ALDH1A2: variants seen among roughly 807,000 people sequenced by gnomAD.
ALDH1A2 encodes the protein aldehyde dehydrogenase 1 family member A2.
In ALDH1A2, 27 loss-of-function variants were observed where a neutral mutation model predicts 60.3. The observed-to-expected ratio is 0.45, with a 90% CI of 0.33 to 0.62. The LOEUF (loss-of-function observed/expected upper bound fraction) is 0.62, where lower values mean the gene tolerates loss of function less well. Among genes scored for constraint, ALDH1A2 ranks in the 20% least tolerant of loss-of-function variants. The pLI is 0.02. For missense variants in ALDH1A2, 581 were observed against 643.8 expected, an observed-to-expected ratio of 0.90 and a Z score of 1.06; for synonymous variants, 289 against 232.4, an observed-to-expected ratio of 1.24 and a Z score of -2.21.
intron 1 of ALDH1A2, among the ~76,000 whole-genome samples, chr15:58,062,636 A>C (rs751804090): frequency 3.3e-5 from 5 of 152,166 alleles, no homozygotes; most frequent in Non-Finnish European, 7.4e-5. Context: ...CTTGGTACCA[A>C]ATTGGTCCCC....
chr15:57,986,034 G>T (rs1400183371), intron 7 of ALDH1A2, among the ~76,000 whole-genome samples: 1 of 152,158 alleles, frequency 6.6e-6, no homozygotes, highest in African/African-American at 2.4e-5. Context: ...AAGGTGATCT[G>T]CATGAAACCT....
intron 1 of ALDH1A2, among the ~76,000 whole-genome samples, chr15:58,045,888 A>G (rs1896629266): frequency 6.6e-6 from 1 of 152,066 alleles, no homozygotes; most frequent in Non-Finnish European, 1.5e-5. Context: ...ACCTAAGGGA[A>G]TTAAAATAAA....
intron 7 of ALDH1A2, among the ~76,000 whole-genome samples, chr15:57,989,867 G>A (rs1383009577): frequency 3.3e-5 from 5 of 152,012 alleles, no homozygotes; most frequent in African/African-American, 1.2e-4. Flanking sequence ...AGTACTGAAA[G>A]AAAATATTAA....
chr15:57,961,331 G>A (rs1893712664), intron 10 of ALDH1A2, 37 bp from the exon 11 acceptor site: 1 of 1,608,470 alleles, frequency 6.2e-7, no homozygotes. Context: ...TGGTTGCTCT[G>A]TCATTCCTTT....
At chr15:57,958,982 T>C (rs1443803238) in intron 12 of ALDH1A2, among the ~76,000 whole-genome samples, 1 of 152,146 alleles carries the variant, frequency 6.6e-6, no homozygotes, top group African/African-American at 2.4e-5. Flanking sequence ...AGCACTGTTA[T>C]ATGAGGTTCA....
intron 1 of ALDH1A2, among the ~76,000 whole-genome samples, chr15:58,051,716 T>C (rs921387572): frequency 6.6e-6 from 1 of 152,184 alleles, no homozygotes; most frequent in Admixed American, 6.5e-5. Flanking sequence ...CTTACCTTCC[T>C]ACGTTTGATC....
At chr15:58,031,059 G>A (rs1017810221) in intron 1 of ALDH1A2, among the ~76,000 whole-genome samples, 5 of 152,006 alleles carry the variant, frequency 3.3e-5, no homozygotes, top group Admixed American at 6.6e-5. Context: ...AAAAGAGCCC[G>A]CAAAGCCACT....
intron 12 of ALDH1A2, among the ~76,000 whole-genome samples, chr15:57,959,370 ACT>A (rs1186353915): frequency 6.6e-6 from 1 of 152,120 alleles, no homozygotes; most frequent in East Asian, 1.9e-4. Flanking sequence ...GTGCATGAAG[ACT>A]CTGTAAAAGC....
intron 1 of ALDH1A2, among the ~76,000 whole-genome samples, chr15:58,056,675 G>A (rs1284832648): frequency 2.0e-5 from 3 of 151,996 alleles, no homozygotes; most frequent in African/African-American, 7.2e-5. Flanking sequence ...TTATAATCCT[G>A]AATACATTTA....
intron 1 of ALDH1A2, among the ~76,000 whole-genome samples, chr15:58,022,085 C>G (rs1445950933): frequency 6.6e-5 from 10 of 152,192 alleles, no homozygotes; most frequent in African/African-American, 2.4e-4. Context: ...TACTGCCCCT[C>G]ACTCAAGCAC....
chr15:58,025,119 T>C (rs1214110697), intron 1 of ALDH1A2, among the ~76,000 whole-genome samples: 1 of 151,934 alleles, frequency 6.6e-6, no homozygotes, highest in African/African-American at 2.4e-5. Flanking sequence ...TCAATGTACC[T>C]TGAGAAACTA....
rs1249825935 is a variant in ALDH1A2, at chr15:58,065,636, C to G, written c.15G>C (p.Lys5Asn). 6.2e-7 allele frequency: 1 copy of G among 1,601,366 alleles called. No individual in the cohort carries two copies. The highest frequency in any genetic ancestry group is 8.5e-7 in the Non-Finnish European group (1 of 1,173,252). Residue 5 changes from lysine (K) to asparagine (N), a missense_variant, in exon 1 of 13, where the codon AAG becomes AAC. Transcript: ENST00000249750. ...CCTTCACCTCGCCGGGCATCTCTAT[C>G]TTGCTGGAAGTCATGGTGGCGGGCC... MTSS[K>N]IEMPGEVKAD...
intron 4 of ALDH1A2, among the ~76,000 whole-genome samples, chr15:57,999,276 T>C (rs1458418404): frequency 6.6e-6 from 1 of 151,718 alleles, no homozygotes; most frequent in African/African-American, 2.4e-5. Flanking sequence ...ATGGGAGAAA[T>C]TTTTTGCAAT....
At chr15:58,031,041 A>ACG (rs1896225806) in intron 1 of ALDH1A2, among the ~76,000 whole-genome samples, 1 of 151,474 alleles carries the variant, frequency 6.6e-6, no homozygotes, top group Non-Finnish European at 1.5e-5. Flanking sequence ...AAGTTCACAT[A>ACG]GAACCAAAAA....
chr15:57,977,398 C>A (rs182944206), intron 7 of ALDH1A2, among the ~76,000 whole-genome samples: 118 of 152,242 alleles, frequency 7.8e-4, no homozygotes, highest in African/African-American at 2.4e-3. Context: ...AGTCTTTAAT[C>A]CATCTTTAGT....
intron 1 of ALDH1A2, among the ~76,000 whole-genome samples, chr15:58,017,887 T>C (rs1895828621): frequency 6.6e-6 from 1 of 152,162 alleles, no homozygotes; most frequent in South Asian, 2.1e-4. Context: ...TGTGCCAAAA[T>C]TAAAATTTTA....
chr15:58,063,320 G>A (rs925152686), intron 1 of ALDH1A2, among the ~76,000 whole-genome samples: 4 of 152,284 alleles, frequency 2.6e-5, no homozygotes, highest in Non-Finnish European at 4.4e-5. Context: ...GCCCTAACGC[G>A]TAATACTTTT....
At chr15:58,015,918 C>T (rs1188177046) in intron 1 of ALDH1A2, among the ~76,000 whole-genome samples, 1 of 152,158 alleles carries the variant, frequency 6.6e-6, no homozygotes, top group Non-Finnish European at 1.5e-5. Flanking sequence ...TTGCTCACAG[C>T]TGATAGCTCA....
At chr15:58,031,467 T>A (rs1034653558) in intron 1 of ALDH1A2, among the ~76,000 whole-genome samples, 1 of 152,276 alleles carries the variant, frequency 6.6e-6, no homozygotes, top group South Asian at 2.1e-4. Context: ...AAAGACTTCA[T>A]GACTAAAACA....
Sources: gnomAD v4.1 joint callset for allele counts (sites outside exome capture counted in the v4.1 genomes callset) on GRCh38, gnomAD v4.1.1 for gene constraint, MANE v1.5 for transcripts, NCBI Gene and HGNC (gene_info 2026-07-23, HGNC 2026-07-21) for gene names.